LRRC59: variants seen among roughly 807,000 people sequenced by gnomAD.
LRRC59 encodes leucine-rich repeat-containing protein 59.
In LRRC59, 18 loss-of-function variants were observed where a neutral mutation model predicts 33.5. The observed-to-expected ratio is 0.54, with a 90% CI of 0.37 to 0.80. The LOEUF (loss-of-function observed/expected upper bound fraction) is 0.80. LRRC59 is among the 30% of genes least tolerant of loss of function. The pLI, the probability that LRRC59 is intolerant of heterozygous loss-of-function variation, is 0.00. For synonymous variants in LRRC59, 138 were observed against 160.0 expected (o/e 0.86, Z 1.04); for missense variants, 330 against 391.9 (o/e 0.84, Z 1.33).
chr17:50,385,406 C>A, intron 5 of LRRC59, 115 bp from the exon 6 acceptor site: 1 of 1,123,358 alleles, frequency 8.9e-7, no homozygotes, highest in South Asian at 1.5e-5. Flanking sequence ...CCATGGTTCA[C>A]ATAAGAAATA....
intron 4 of LRRC59, among the ~76,000 whole-genome samples, chr17:50,389,308 T>C (rs1461268051): frequency 6.6e-6 from 1 of 152,140 alleles, no homozygotes; most frequent in Non-Finnish European, 1.5e-5. Flanking sequence ...GTAAAGACCT[T>C]TTCTGTTTGT....
rs566124959 is a variant in LRRC59, at chr17:50,393,887, T to C, written c.166-990A>G. On this transcript the variant is annotated intron_variant, in intron 2 of 6. Transcript: ENST00000225972. ...TTTTAATTTTTTAGAGGCGGGATCT[T>C]GCTATGTTGTCCAGGCTGCTCTCAA... Among the ~76,000 whole-genome samples the C allele has an allele frequency of 2.6e-5, 4 of 152,316 alleles. No homozygotes were observed. The East Asian group carries it at 7.7e-4, about 29-fold the overall frequency.
intron 4 of LRRC59, among the ~76,000 whole-genome samples, chr17:50,388,550 C>T (rs999368900): frequency 1.4e-5 from 2 of 139,168 alleles, no homozygotes; most frequent in African/African-American, 6.8e-5. Flanking sequence ...AAAACAACAA[C>T]CACCACCACC....
At chr17:50,394,854 C>CTCGAATG in intron 2 of LRRC59, 75 bp downstream of exon 2, 1 of 1,044,970 alleles carries the variant, frequency 9.6e-7, no homozygotes, top group Non-Finnish European at 1.4e-6. Context: ...CCTCCCACCC[C>CTCGAATG]CCTCTCAACC....
chr17:50,393,536 C>T (rs902973075), intron 2 of LRRC59, among the ~76,000 whole-genome samples: 1 of 152,242 alleles, frequency 6.6e-6, no homozygotes, highest in Non-Finnish European at 1.5e-5. Flanking sequence ...GCTCAACAGA[C>T]ATTCTGTGAA....
Position 50,385,131 on chromosome 17 carries a change from T to G in LRRC59, c.663A>C (p.Ala221=). Residue 221 remains alanine, a synonymous_variant, in exon 6 of 7, where the codon GCA becomes GCC. Coordinates refer to ENST00000225972, the MANE Select transcript of LRRC59 (RefSeq NM_018509.4). ...REQEKKPKKE[A]NQAPKSKSGS... is the part of the protein sequence containing the mutation. ...CAGAAAACTTACTCGGGGCCTGATT[T>G]GCTTCCTTCTTAGGTTTCTTCTCCT... 1 of 1,613,846 alleles carries G rather than the reference T, an allele frequency of 6.2e-7. No homozygotes were observed.
chr17:50,388,682 A>G (rs1023812031), intron 4 of LRRC59, among the ~76,000 whole-genome samples: 3 of 152,232 alleles, frequency 2.0e-5, no homozygotes. Flanking sequence ...AGTGAAACAC[A>G]ATGCCAACTC....
intron 6 of LRRC59, 21 bp downstream of exon 6, chr17:50,385,097 T>C (rs200654407): frequency 1.2e-6 from 2 of 1,610,690 alleles, no homozygotes; most frequent in Non-Finnish European, 8.5e-7. Context: ...GCTGGAATCT[T>C]ACAACAGGCA....
chr17:50,387,138 A>C (rs1914030653), intron 5 of LRRC59, among the ~76,000 whole-genome samples: 1 of 151,490 alleles, frequency 6.6e-6, no homozygotes, highest in South Asian at 2.1e-4. Flanking sequence ...TAAAAAAAAA[A>C]CTAGCAGAGG....
intron 1 of LRRC59, chr17:50,396,850 G>GTCAC (rs754959810): frequency 6.0e-6 from 2 of 335,002 alleles, no homozygotes; most frequent in Non-Finnish European, 5.4e-6. Context: ...CCTGGAACAA[G>GTCAC]TCACTCATTC....
intron 1 of LRRC59, 61 bp from the exon 2 acceptor site, chr17:50,395,049 A>G (rs1487471147): frequency 1.7e-6 from 2 of 1,148,578 alleles, no homozygotes; most frequent in Admixed American, 1.8e-5. Flanking sequence ...TCACTGACAT[A>G]TGTTAATGAA....
intron 5 of LRRC59, 144 bp downstream of exon 5, chr17:50,387,916 A>C: frequency 2.6e-6 from 2 of 775,230 alleles, no homozygotes; most frequent in Non-Finnish European, 4.4e-6. Flanking sequence ...GATAAAGACG[A>C]TACCATCCAC....
chr17:50,388,011 G>C (rs1914051385), intron 5 of LRRC59, 49 bp downstream of exon 5: 11 of 1,574,120 alleles, frequency 7.0e-6, no homozygotes, highest in Non-Finnish European at 8.7e-6. Context: ...AGAATCCACT[G>C]GCTGGGATGA....
intron 4 of LRRC59, among the ~76,000 whole-genome samples, chr17:50,391,975 A>C (rs2011834): frequency 6.6e-6 from 1 of 152,058 alleles, no homozygotes; most frequent in East Asian, 1.9e-4. Flanking sequence ...AAGGTGGGCG[A>C]ATCATTTGAG....
At chr17:50,397,039 T>C (rs2143380275) in intron 1 of LRRC59, 174 bp downstream of exon 1, 2 of 464,392 alleles carry the variant, frequency 4.3e-6, no homozygotes, top group Middle Eastern at 3.6e-4. Context: ...CACGTGTACA[T>C]CCCGGGAAGA....
At chr17:50,395,258 T>C (rs949280135) in intron 1 of LRRC59, among the ~76,000 whole-genome samples, 2 of 150,960 alleles carry the variant, frequency 1.3e-5, no homozygotes, top group Admixed American at 6.6e-5. Flanking sequence ...TGTAGTCTCA[T>C]AGTCTCAGCT....
Position 50,394,929 on chromosome 17 carries a change from C to T in LRRC59, c.165G>A (p.Pro55=), listed in dbSNP as rs776935098. 1.3e-6 allele frequency: 2 copies of T among 1,596,862 alleles called. No individual in the cohort carries two copies. Among genetic ancestry groups the T allele is most frequent in the Non-Finnish European group, 8.6e-7 (1 of 1,167,654 alleles). ...DLSCNKLTTL[P]SDFCGLTHLV... ...AGTCACGGCTGCATGCCAATCTTACCGGTAGAGTAGTCAGTTTATTACAAG... is the reference window on the plus strand; with the variant it reads ...AGTCACGGCTGCATGCCAATCTTACTGGTAGAGTAGTCAGTTTATTACAAG... Residue 55 remains proline (P), a splice_region_variant and synonymous_variant, in exon 2 of 7, where the codon CCG becomes CCA. Coordinates refer to ENST00000225972, the MANE Select transcript of LRRC59 (RefSeq NM_018509.4).
At chr17:50,385,863 C>T (rs1393901130) in intron 5 of LRRC59, among the ~76,000 whole-genome samples, 2 of 152,064 alleles carry the variant, frequency 1.3e-5, no homozygotes, top group African/African-American at 2.4e-5. Context: ...AGTTCAAGAC[C>T]AGCCTGGGCA....
chr17:50,396,852 C>T (rs943596119), intron 1 of LRRC59: 7 of 339,472 alleles, frequency 2.1e-5, no homozygotes, highest in Admixed American at 9.6e-5. Flanking sequence ...TGGAACAAGT[C>T]ACTCATTCAT....
Sources: gnomAD v4.1 joint callset for allele counts (sites outside exome capture counted in the v4.1 genomes callset) on GRCh38, gnomAD v4.1.1 for gene constraint, MANE v1.5 for transcripts, NCBI Gene and HGNC (gene_info 2026-07-23, HGNC 2026-07-21) for gene names.